Variants in UBE2N observed in about 807,000 individuals in gnomAD.
UBE2N encodes the protein ubiquitin-conjugating enzyme E2 N.
For synonymous variants in UBE2N, 70 were observed against 69.2 expected (o/e 1.01, Z -0.06); for missense variants, 60 against 192.1 (o/e 0.31, Z 4.07).
chr12:93,434,873 T>A (rs1188670956), intron 1 of UBE2N, among the ~76,000 whole-genome samples: 1 of 152,000 alleles, frequency 6.6e-6, no homozygotes, highest in Non-Finnish European at 1.5e-5. Flanking sequence ...CAAATCTGTC[T>A]TCATCATAAT....
chr12:93,409,932 T>C lies in UBE2N; in HGVS notation c.*107A>G. 4 of 1,164,680 alleles carry C rather than the reference T, an allele frequency of 3.4e-6. No homozygotes were observed. Among genetic ancestry groups the C allele is most frequent in the Non-Finnish European group, 5.0e-6 (4 of 802,328 alleles). The allele number at this position is 1,164,680 out of a possible 1,614,324, so 72.1% of individuals were successfully genotyped here. A position where few individuals can be genotyped will look rare whatever the true frequency, so the allele number is the denominator to read the frequency against. On this transcript the variant is annotated 3_prime_UTR_variant, in exon 4 of 4. Coordinates refer to ENST00000318066, the MANE Select transcript of UBE2N (RefSeq NM_003348.4). ...ACCAAAGGACTGAAGATGTCTGGGCTTTTTTATTCTGTAATGTTTCTAAGA... is the reference window on the plus strand; with the variant it reads ...ACCAAAGGACTGAAGATGTCTGGGCCTTTTTATTCTGTAATGTTTCTAAGA...
intron 1 of UBE2N, among the ~76,000 whole-genome samples, chr12:93,432,161 G>C (rs1878790339): frequency 6.6e-6 from 1 of 152,154 alleles, no homozygotes; most frequent in South Asian, 2.1e-4. Context: ...GAACCCGGGA[G>C]GCAGAGGTTG....
At chr12:93,411,935 G>C (rs1463342578) in intron 1 of UBE2N, among the ~76,000 whole-genome samples, 1 of 152,026 alleles carries the variant, frequency 6.6e-6, no homozygotes, top group Non-Finnish European at 1.5e-5. Context: ...CAAGTGATTT[G>C]CTCGCCTTGG....
chr12:93,411,210 A>G lies in UBE2N; in HGVS notation c.120T>C (p.Ala40=), dbSNP rs1310965480. ...SNARYFHVVI[A]GPQDSPFEGG... is the part of the protein sequence containing the mutation. ...CCTCAAAGGGGGAATCCTGAGGGCC[A>G]GCAATGACCACATGAAAATAACGGG... The change falls in exon 2 of 4, where the codon GCT becomes GCC. Residue 40 remains alanine, a synonymous_variant. Coordinates refer to ENST00000318066, the MANE Select transcript of UBE2N (RefSeq NM_003348.4). 3.1e-6 allele frequency: 5 copies of G among 1,614,126 alleles called. No individual in the cohort carries two copies. In the East Asian group the frequency reaches 1.1e-4, roughly 36 times the overall value.
intron 3 of UBE2N, 199 bp downstream of exon 3, chr12:93,410,535 T>C: frequency 1.4e-6 from 1 of 715,980 alleles, no homozygotes; most frequent in East Asian, 2.7e-5. Context: ...CCAAGATCTT[T>C]CAATTACAGG....
At chr12:93,428,283 G>A (rs1457091872) in intron 1 of UBE2N, among the ~76,000 whole-genome samples, 3 of 152,140 alleles carry the variant, frequency 2.0e-5, no homozygotes, top group Non-Finnish European at 4.4e-5. Context: ...GAAACTTCAA[G>A]TTAAAAGATT....
chr12:93,409,966 A>G lies in UBE2N; in HGVS notation c.*73T>C, dbSNP rs1366062945. ...CTGTAATGTTTCTAAGACTGTGTCC[A>G]TTAAATGCAAACAAAGAGGAGGAAG... On this transcript the variant is annotated 3_prime_UTR_variant, in exon 4 of 4. Transcript: ENST00000318066. 4.7e-6 allele frequency: 7 copies of G among 1,482,558 alleles called. No individual in the cohort carries two copies. In the East Asian group the frequency reaches 1.6e-4, roughly 34 times the overall value. 91.8% of individuals were successfully genotyped at this position (1,482,558 alleles called of 1,614,324 possible). A position where few individuals can be genotyped will look rare whatever the true frequency, so the allele number is the denominator to read the frequency against.
chr12:93,418,702 A>G (rs1157604340), intron 1 of UBE2N, among the ~76,000 whole-genome samples: 2 of 152,162 alleles, frequency 1.3e-5, no homozygotes, highest in Admixed American at 1.3e-4. Flanking sequence ...CAAGCCACGT[A>G]AGTATTTAAA....
intron 1 of UBE2N, among the ~76,000 whole-genome samples, chr12:93,411,718 G>C (rs1021409449): frequency 2.6e-5 from 4 of 151,970 alleles, no homozygotes; most frequent in African/African-American, 9.7e-5. Context: ...TTTGAGACAA[G>C]ATCTCACTTT....
At chr12:93,418,384 CAAAAA>C (rs1206959079) in intron 1 of UBE2N, among the ~76,000 whole-genome samples, 1 of 151,928 alleles carries the variant, frequency 6.6e-6, no homozygotes, top group African/African-American at 2.4e-5. Flanking sequence ...CAAAACAAAA[CAAAAA>C]GTTAATTATC....
chr12:93,439,401 AC>A (rs1448548405), intron 1 of UBE2N, among the ~76,000 whole-genome samples: 3 of 152,208 alleles, frequency 2.0e-5, no homozygotes, highest in African/African-American at 7.2e-5. Context: ...ATCATCTAAG[AC>A]CAGGAGATCA....
At position 93,414,102 on chromosome 12, in the gene UBE2N, A is replaced by C. The variant is rs180713137; in HGVS notation, c.31-2803T>G. ...TTTGAAGCCAGGAGGCGGAGGTTGCAGTGAGCTGAGATCGTGCCATTGCAC... is the reference window on the plus strand; with the variant it reads ...TTTGAAGCCAGGAGGCGGAGGTTGCCGTGAGCTGAGATCGTGCCATTGCAC... On this transcript the variant is annotated intron_variant, in intron 1 of 3. Transcript: ENST00000318066. Among the ~76,000 whole-genome samples, 107 of 146,478 alleles carry C rather than the reference A, an allele frequency of 7.3e-4. 1 individual carries two copies. Among genetic ancestry groups the C allele is most frequent in the African/African-American group, 2.6e-3 (103 of 39,364 alleles).
chr12:93,410,007 A>G lies in UBE2N; in HGVS notation c.*32T>C. On this transcript the variant is annotated 3_prime_UTR_variant, in exon 4 of 4. Transcript: ENST00000318066. ...GAGGAGGAAGTCTTGGCAGAACAGG[A>G]GAAGTGATGCACACTTGATGATCGT... 6.2e-7 allele frequency: 1 copy of G among 1,608,184 alleles called. No homozygotes were observed. Among genetic ancestry groups the G allele is most frequent in the Non-Finnish European group, 8.5e-7 (1 of 1,175,724 alleles).
intron 1 of UBE2N, among the ~76,000 whole-genome samples, chr12:93,419,338 C>T (rs1316704974): frequency 1.3e-5 from 2 of 151,236 alleles, no homozygotes; most frequent in Non-Finnish European, 2.9e-5. Context: ...TGCAGTGAGC[C>T]GAGATCGTGC....
At chr12:93,425,982 G>A (rs965504835) in intron 1 of UBE2N, among the ~76,000 whole-genome samples, 2 of 152,164 alleles carry the variant, frequency 1.3e-5, no homozygotes, top group African/African-American at 4.8e-5. Flanking sequence ...AAGGTTTTGG[G>A]AAGAATCTGA....
intron 1 of UBE2N, among the ~76,000 whole-genome samples, chr12:93,415,898 T>C (rs1592741760): frequency 6.6e-6 from 1 of 152,208 alleles, no homozygotes; most frequent in Admixed American, 6.5e-5. Context: ...CAATACACAG[T>C]GGCAGAGATA....
At chr12:93,418,516 T>C (rs74315881) in intron 1 of UBE2N, among the ~76,000 whole-genome samples, 1,668 of 133,816 alleles carry the variant, frequency 0.012, 18 homozygotes, top group Middle Eastern at 0.022. Flanking sequence ...TGTCTCATTA[T>C]AGTAAAACTG....
intron 1 of UBE2N, among the ~76,000 whole-genome samples, chr12:93,422,021 AT>A (rs1366053092): frequency 2.6e-5 from 4 of 152,330 alleles, no homozygotes; most frequent in African/African-American, 7.2e-5. Context: ...CAGGGCTATT[AT>A]GTTCTTGTTT....
At chr12:93,410,375 C>G in intron 3 of UBE2N, 1 of 491,300 alleles carries the variant, frequency 2.0e-6, no homozygotes, top group Non-Finnish European at 3.6e-6. Context: ...GCAGAAGCTT[C>G]TTGACTCCAA....
Sources: allele counts gnomAD v4.1 joint callset (sites outside exome capture counted in the v4.1 genomes callset), GRCh38; gene constraint gnomAD v4.1.1; transcripts MANE v1.5; gene names NCBI Gene and HGNC (gene_info 2026-07-23, HGNC 2026-07-21).